Variants in CPNE4 observed in about 807,000 individuals in gnomAD.
CPNE4 encodes copine 4.
A neutral mutation model predicts 67.9 loss-of-function variants in CPNE4; 25 were observed. That is an observed-to-expected ratio of 0.37 (90% CI 0.27 to 0.51). The LOEUF is 0.51. CPNE4 is among the 20% of genes least tolerant of loss of function. The pLI is 0.93. For synonymous variants in CPNE4, 242 were observed against 244.9 expected, an observed-to-expected ratio of 0.99 and a Z score of 0.11; for missense variants, 464 against 690.8, an observed-to-expected ratio of 0.67 and a Z score of 3.68.
intron 1 of CPNE4, among the ~76,000 whole-genome samples, chr3:131,975,115 A>T (rs543186182): frequency 3.3e-5 from 5 of 152,210 alleles, no homozygotes; most frequent in Non-Finnish European, 5.9e-5. Context: ...AACCGTCATC[A>T]AATTGAGATT....
intron 7 of CPNE4, among the ~76,000 whole-genome samples, chr3:131,604,050 A>T (rs1029259972): frequency 1.3e-5 from 2 of 152,134 alleles, no homozygotes; most frequent in Non-Finnish European, 2.9e-5. Context: ...CAACTTTGGA[A>T]GAGTAATTGC....
chr3:131,972,312 C>T (rs1446735035), intron 1 of CPNE4, among the ~76,000 whole-genome samples: 1 of 152,106 alleles, frequency 6.6e-6, no homozygotes, highest in African/African-American at 2.4e-5. Context: ...TAGTTCTCTG[C>T]CCGATGAATT....
At chr3:131,567,986 A>G (rs1279188744) in intron 10 of CPNE4, among the ~76,000 whole-genome samples, 1 of 151,966 alleles carries the variant, frequency 6.6e-6, no homozygotes, top group Non-Finnish European at 1.5e-5. Context: ...CCCTACGTCT[A>G]TGACAACGAG....
At chr3:131,716,372 C>T (rs1339974468) in intron 3 of CPNE4, among the ~76,000 whole-genome samples, 28 of 151,878 alleles carry the variant, frequency 1.8e-4, no homozygotes, top group Non-Finnish European at 4.0e-4. Context: ...ATAATTGCCC[C>T]AAATTATTTC....
chr3:131,568,343 G>A (rs982619172), intron 10 of CPNE4, among the ~76,000 whole-genome samples: 3 of 151,978 alleles, frequency 2.0e-5, no homozygotes, highest in Admixed American at 2.0e-4. Flanking sequence ...AGAGTGAAAG[G>A]TTAGGTTTAT....
At chr3:131,965,598 T>G (rs943514451) in intron 1 of CPNE4, among the ~76,000 whole-genome samples, 9 of 152,146 alleles carry the variant, frequency 5.9e-5, no homozygotes, top group Non-Finnish European at 1.5e-5. Context: ...AAACAGACTT[T>G]AAACCAACAA....
chr3:131,744,464 G>C (rs2082437350), intron 2 of CPNE4, among the ~76,000 whole-genome samples: 1 of 152,068 alleles, frequency 6.6e-6, no homozygotes, highest in South Asian at 2.1e-4. Flanking sequence ...AGTTTTCCCC[G>C]ATGGTAACAT....
At chr3:131,780,433 C>T (rs1326752713) in intron 2 of CPNE4, among the ~76,000 whole-genome samples, 1 of 152,024 alleles carries the variant, frequency 6.6e-6, no homozygotes, top group Non-Finnish European at 1.5e-5. Flanking sequence ...AATCTATATG[C>T]CCATCAGTGG....
At chr3:131,609,516 G>A (rs1221134242) in intron 7 of CPNE4, among the ~76,000 whole-genome samples, 1 of 152,166 alleles carries the variant, frequency 6.6e-6, no homozygotes, top group African/African-American at 2.4e-5. Flanking sequence ...AAAGACACAG[G>A]TGTTTAAAAC....
chr3:131,687,540 C>G (rs1185282324), intron 5 of CPNE4, among the ~76,000 whole-genome samples: 3 of 152,156 alleles, frequency 2.0e-5, no homozygotes, highest in Non-Finnish European at 4.4e-5. Context: ...TAGAATTAAG[C>G]CCATATTTGC....
chr3:131,656,416 G>C (rs2079967591), intron 7 of CPNE4, among the ~76,000 whole-genome samples: 1 of 152,166 alleles, frequency 6.6e-6, no homozygotes, highest in African/African-American at 2.4e-5. Context: ...AGATAAGAAT[G>C]AGTAGATAAG....
At chr3:131,825,503 A>AC (rs2085122071) in intron 2 of CPNE4, among the ~76,000 whole-genome samples, 1 of 151,510 alleles carries the variant, frequency 6.6e-6, no homozygotes, top group East Asian at 1.9e-4. Context: ...CAAAAAAAAA[A>AC]AAAAAACATT....
intron 1 of CPNE4, among the ~76,000 whole-genome samples, chr3:132,022,283 G>T (rs2074015418): frequency 6.6e-6 from 1 of 152,192 alleles, no homozygotes. Context: ...CTAGCAATCT[G>T]TGAAACCAAC....
chr3:131,603,914 C>T lies in CPNE4; in HGVS notation c.682-16332G>A, dbSNP rs994327343. On this transcript the variant is annotated intron_variant, in intron 7 of 15. Transcript: ENST00000429747. ...TTTCCAGGGGCTAAAGGCTGTCTTA[C>T]CTGGAGAAAGAACTGGACTTAATAT... Among the ~76,000 whole-genome samples the T allele has an allele frequency of 2.0e-5, 3 of 152,246 alleles. No homozygotes were observed. In the East Asian group the frequency reaches 5.8e-4, roughly 29 times the overall value.
intron 1 of CPNE4, among the ~76,000 whole-genome samples, chr3:132,001,552 AG>A (rs1375240008): frequency 1.6e-5 from 2 of 128,554 alleles, no homozygotes; most frequent in Admixed American, 8.1e-5. Flanking sequence ...CAAAGAAAAA[AG>A]AGAAAGAAAG....
chr3:131,656,047 CTGTT>C (rs2079951579), intron 7 of CPNE4, among the ~76,000 whole-genome samples: 1 of 142,688 alleles, frequency 7.0e-6, no homozygotes, highest in South Asian at 2.2e-4. Context: ...GGCCACAATA[CTGTT>C]TCTTTTTTTT....
At chr3:131,654,878 C>T (rs1050254124) in intron 7 of CPNE4, among the ~76,000 whole-genome samples, 17 of 152,128 alleles carry the variant, frequency 1.1e-4, no homozygotes, top group African/African-American at 4.1e-4. Context: ...ACTACAATAC[C>T]CAGTCCAGTC....
At chr3:131,889,882 T>C (rs2107738169) in intron 2 of CPNE4, among the ~76,000 whole-genome samples, 1 of 152,286 alleles carries the variant, frequency 6.6e-6, no homozygotes, top group African/African-American at 2.4e-5. Flanking sequence ...GAAAGCCAGA[T>C]GTCCATGTGC....
chr3:131,839,062 C>T lies in CPNE4; in HGVS notation c.180+66202G>A, dbSNP rs1326025214. ...TGGTGTAAGCTTTTTAGAAAACAAT[C>T]TTGTAATATGTATCAAAAGCCTTAA... On this transcript the variant is annotated intron_variant, in intron 2 of 15. Coordinates refer to ENST00000429747, the MANE Select transcript of CPNE4 (RefSeq NM_130808.3). 5.3e-5 allele frequency among the ~76,000 whole-genome samples: 8 copies of T among 151,834 alleles called. No individual in the cohort carries two copies. The South Asian group carries it at 1.7e-3, about 32-fold the overall frequency.
Sources: allele counts gnomAD v4.1 joint callset (sites outside exome capture counted in the v4.1 genomes callset), GRCh38; gene constraint gnomAD v4.1.1; transcripts MANE v1.5; gene names NCBI Gene and HGNC (gene_info 2026-07-23, HGNC 2026-07-21).